The following CPLX1 variants were observed in gnomAD, a reference collection of about 807,000 sequenced individuals.
CPLX1 encodes complexin-1.
CPLX1 carries 6 observed loss-of-function variants against 15.6 expected under a neutral mutation model. The observed-to-expected ratio is 0.39, with a 90% CI of 0.21 to 0.76. The LOEUF (loss-of-function observed/expected upper bound fraction) is 0.76. Among genes scored for constraint, CPLX1 ranks in the 30% least tolerant of loss-of-function variants. CPLX1 has a pLI of 0.43. For missense variants in CPLX1, 242 were observed against 188.6 expected (o/e 1.28, Z -1.66); for synonymous variants, 91 against 75.2 (o/e 1.21, Z -1.08).
At chr4:809,149 T>C (rs1746611603) in intron 2 of CPLX1, among the ~76,000 whole-genome samples, 1 of 152,256 alleles carries the variant, frequency 6.6e-6, no homozygotes, top group Non-Finnish European at 1.5e-5. Context: ...GATGGTTCAA[T>C]ATTCAAACAC....
intron 2 of CPLX1, among the ~76,000 whole-genome samples, chr4:814,746 G>A (rs1331100885): frequency 6.6e-6 from 1 of 152,280 alleles, no homozygotes; most frequent in East Asian, 1.9e-4. Flanking sequence ...CCAGAGTGAT[G>A]GCCAGGCAGG....
chr4:816,213 A>ATT (rs34183163), intron 2 of CPLX1, among the ~76,000 whole-genome samples: 2,822 of 114,940 alleles, frequency 0.025, 83 homozygotes, highest in African/African-American at 0.056. Flanking sequence ...TCTCCGTGAA[A>ATT]TTTTTTTTTT....
Position 785,129 on chromosome 4 carries a change from G to A in CPLX1, c.*1372C>T, listed in dbSNP as rs1490980574. 6.6e-6 allele frequency: 1 copy of A among 152,192 alleles called. No individual in the cohort carries two copies. Among genetic ancestry groups the A allele is most frequent in the Admixed American group, 6.5e-5 (1 of 15,278 alleles). The allele number at this position is 152,192 out of a possible 1,614,324, so 9.4% of individuals were successfully genotyped here. On this transcript the variant is annotated 3_prime_UTR_variant, in exon 4 of 4. Coordinates refer to ENST00000304062, the MANE Select transcript of CPLX1 (RefSeq NM_006651.4). The stretch of plus-strand genomic sequence containing the variant: ...TGGGAACGGGGTGCGCAGGTTCTAC[G>A]AGAGGACGCCCTGTCTGCTCAGAGC...
intron 2 of CPLX1, among the ~76,000 whole-genome samples, chr4:810,549 AGTGGGT>A (rs1236327230): frequency 2.0e-5 from 3 of 152,162 alleles, no homozygotes; most frequent in Non-Finnish European, 4.4e-5. Flanking sequence ...TGGTCACCCT[AGTGGGT>A]GTGGCAGCAT....
At chr4:821,497 G>A (rs925773365) in intron 2 of CPLX1, among the ~76,000 whole-genome samples, 7 of 152,168 alleles carry the variant, frequency 4.6e-5, no homozygotes, top group South Asian at 4.1e-4. Context: ...ATGGGAGAGC[G>A]GGTGGCTGCT....
At chr4:787,593 G>A (rs1285671013) in intron 3 of CPLX1, 12 of 814,578 alleles carry the variant, frequency 1.5e-5, no homozygotes, top group African/African-American at 5.7e-5. Flanking sequence ...GGAGGAGGTC[G>A]CGAGTGGTCA....
chr4:790,671 G>C (rs1332106349), intron 3 of CPLX1, among the ~76,000 whole-genome samples: 1 of 152,074 alleles, frequency 6.6e-6, no homozygotes, highest in East Asian at 1.9e-4. Flanking sequence ...GAGCCCAGGG[G>C]ACCAGACCCA....
At position 788,107 on chromosome 4, in the gene CPLX1, AG is replaced by A. The variant is rs551558480; in HGVS notation, c.208-1410del. 383 of 985,360 alleles carry A rather than the reference AG, an allele frequency of 3.9e-4. 7 individuals carry two copies. In the South Asian group the frequency reaches 0.015, roughly 40 times the overall value. The allele number at this position is 985,360 out of a possible 1,614,324, so 61.0% of individuals were successfully genotyped here. A position where few individuals can be genotyped will look rare whatever the true frequency, so the allele number is the denominator to read the frequency against. On this transcript the variant is annotated intron_variant, in intron 3 of 3. Coordinates refer to ENST00000304062, the MANE Select transcript of CPLX1 (RefSeq NM_006651.4). ...CACCGCGGGATCACCAGCCACAGGG[AG>A]GGGCCTTTCTGCCCAGGAGGAGCCC...
Position 824,598 on chromosome 4 carries a change from C to A in CPLX1, c.-76G>T. 6.6e-7 allele frequency: 1 copy of A among 1,520,244 alleles called. No individual in the cohort carries two copies. The highest frequency in any genetic ancestry group is 1.1e-5 in the South Asian group (1 of 89,256). 94.2% of individuals were successfully genotyped at this position (1,520,244 alleles called of 1,614,324 possible). ...GCAAGTATGGCCGGGAGCGAGTGTTCTTCCTGGGGGAGAGTGAAGTGGTCA... is the reference window on the plus strand; with the variant it reads ...GCAAGTATGGCCGGGAGCGAGTGTTATTCCTGGGGGAGAGTGAAGTGGTCA... On this transcript the variant is annotated 5_prime_UTR_variant, in exon 2 of 4. Coordinates refer to ENST00000304062, the MANE Select transcript of CPLX1 (RefSeq NM_006651.4).
intron 2 of CPLX1, among the ~76,000 whole-genome samples, chr4:813,255 ACT>A (rs1419777138): frequency 7.3e-6 from 1 of 137,066 alleles, no homozygotes; most frequent in East Asian, 2.2e-4. Flanking sequence ...GCTGAGCTAG[ACT>A]CTGTCTCAAA....
intron 2 of CPLX1, among the ~76,000 whole-genome samples, chr4:811,477 C>A (rs1009375553): frequency 6.6e-6 from 1 of 152,104 alleles, no homozygotes; most frequent in Admixed American, 6.6e-5. Context: ...TTCCTTGGCT[C>A]GTGGGCTATT....
chr4:792,274 CCACCCCT>C (rs1746200490), intron 3 of CPLX1, among the ~76,000 whole-genome samples, 152 bp downstream of exon 3: 1 of 152,176 alleles, frequency 6.6e-6, no homozygotes, highest in South Asian at 2.1e-4. Context: ...CCCGGAGCCC[CCACCCCT>C]CACCCCTCCG....
chr4:805,331 A>G (rs1309128813), intron 2 of CPLX1, among the ~76,000 whole-genome samples: 1 of 152,294 alleles, frequency 6.6e-6, no homozygotes, highest in Admixed American at 6.5e-5. Flanking sequence ...ACCCTGAAAA[A>G]CCTAACAGGT....
chr4:786,683 T>C lies in CPLX1; in HGVS notation c.223A>G (p.Lys75Glu), dbSNP rs376234900. The C allele has an allele frequency of 7.1e-5, 114 of 1,607,692 alleles. No individual in the cohort carries two copies. The highest frequency in any genetic ancestry group is 2.0e-4 in the Admixed American group (12 of 59,792). Residue 75 changes from lysine to glutamate, a missense_variant, in exon 4 of 4, where the codon AAG becomes GAG. Lys to Glu is a moderately conservative substitution (Grantham distance 56). Coordinates refer to ENST00000304062, the MANE Select transcript of CPLX1 (RefSeq NM_006651.4). ...TGGGCCTCGGCCTCGCGCTCCTCCT[T>C]CTTCTTGATGCCGTACTGCGGGGGA... ...GIRDKYGIKK[K>E]EEREAEAQAA...
At chr4:794,472 C>G (rs1402270645) in intron 2 of CPLX1, among the ~76,000 whole-genome samples, 2 of 152,218 alleles carry the variant, frequency 1.3e-5, no homozygotes, top group African/African-American at 4.8e-5. Context: ...CCATGTTTTG[C>G]AAAGCAGATT....
intron 2 of CPLX1, among the ~76,000 whole-genome samples, chr4:808,072 T>G (rs552333762): frequency 9.1e-4 from 138 of 152,036 alleles, no homozygotes; most frequent in African/African-American, 3.2e-3. Flanking sequence ...TCAAGATCAG[T>G]CTGGGTAACA....
intron 2 of CPLX1, among the ~76,000 whole-genome samples, chr4:796,903 G>A (rs2152644408): frequency 6.6e-6 from 1 of 152,300 alleles, no homozygotes; most frequent in African/African-American, 2.4e-5. Flanking sequence ...TGGTGCAGTG[G>A]GAGGAAGACA....
At chr4:815,741 G>A (rs891422606) in intron 2 of CPLX1, among the ~76,000 whole-genome samples, 1 of 152,150 alleles carries the variant, frequency 6.6e-6, no homozygotes, top group African/African-American at 2.4e-5. Flanking sequence ...AAATCTCAGC[G>A]GCACTTGGAG....
chr4:809,389 G>C (rs998663892), intron 2 of CPLX1, among the ~76,000 whole-genome samples: 2 of 152,096 alleles, frequency 1.3e-5, no homozygotes, highest in Admixed American at 1.3e-4. Context: ...CCTGTCTCAC[G>C]CCCTTACTGA....
Sources: gnomAD v4.1 joint callset for allele counts (sites outside exome capture counted in the v4.1 genomes callset) on GRCh38, gnomAD v4.1.1 for gene constraint, MANE v1.5 for transcripts, NCBI Gene and HGNC (gene_info 2026-07-23, HGNC 2026-07-21) for gene names.